The following KIR3DL1 variants were observed in gnomAD, a reference collection of about 807,000 sequenced individuals.
The protein encoded by KIR3DL1 is killer cell immunoglobulin-like receptor 3DL1.
KIR3DL1 carries 50 observed loss-of-function variants against 40.3 expected under a neutral mutation model. The observed-to-expected ratio is 1.24, with a 90% CI of 0.99 to 1.57. The LOEUF (loss-of-function observed/expected upper bound fraction) is 1.57, where lower values mean the gene tolerates loss of function less well. Ranked by LOEUF, KIR3DL1 falls within the 40% of genes most tolerant of loss-of-function variation. KIR3DL1 has a pLI of 0.00. For synonymous variants in KIR3DL1, 257 were observed against 207.2 expected, an observed-to-expected ratio of 1.24 and a Z score of -2.07; for missense variants, 661 against 559.9, an observed-to-expected ratio of 1.18 and a Z score of -1.82.
intron 6 of KIR3DL1, among the ~76,000 whole-genome samples, chr19:54,828,854 G>A: frequency 7.1e-6 from 1 of 141,612 alleles, no homozygotes; most frequent in Non-Finnish European, 1.6e-5. Flanking sequence ...TCTTATGATG[G>A]CCTCAGGCCG....
rs550773169 is a variant in KIR3DL1, at chr19:54,829,977, C to T, written c.1155C>T (p.Ser385=). The change falls in exon 8 of 9, where the codon AGC becomes AGT. Residue 385 remains serine, a synonymous_variant. Transcript: ENST00000391728. ...CTGCAGGGAACAGAACAGCCAACAG[C>T]GAGGTAGGTGCTCCTCGGCCCAGCC... The T allele has an allele frequency of 8.7e-6, 13 of 1,494,530 alleles. 1 individual carries two copies. Among genetic ancestry groups the T allele is most frequent in the Non-Finnish European group, 1.2e-5 (13 of 1,108,934 alleles). The allele number at this position is 1,494,530 out of a possible 1,614,324, so 92.6% of individuals were successfully genotyped here.
Position 54,829,021 on chromosome 19 carries a change from C to A in KIR3DL1, c.1001-340C>A, listed in dbSNP as rs1197123553. 8.4e-5 allele frequency among the ~76,000 whole-genome samples: 12 copies of A among 142,448 alleles called. 2 individuals are homozygous for A. Among genetic ancestry groups the A allele is most frequent in the African/African-American group, 2.5e-4 (10 of 39,634 alleles). 93.5% of individuals were successfully genotyped at this position (142,448 alleles called of 152,430 possible). Reference sequence around the variant, plus strand: ...AACTAATAGAGAGGGAACTTGCTAACCCCGTCTCCTTGGGACAGCATTGAT... The same window carrying A: ...AACTAATAGAGAGGGAACTTGCTAAACCCGTCTCCTTGGGACAGCATTGAT... On this transcript the variant is annotated intron_variant, in intron 6 of 8. Coordinates refer to ENST00000391728, the Ensembl canonical transcript of KIR3DL1.
At chr19:54,828,770 T>C (rs890363516) in intron 6 of KIR3DL1, among the ~76,000 whole-genome samples, 8 of 142,484 alleles carry the variant, frequency 5.6e-5, no homozygotes, top group African/African-American at 1.3e-4. Flanking sequence ...TGAGCCTGGG[T>C]AACTTCTAAA....
intron 6 of KIR3DL1, among the ~76,000 whole-genome samples, chr19:54,828,652 G>A (rs1236250498): frequency 2.7e-5 from 4 of 149,920 alleles, no homozygotes; most frequent in Admixed American, 6.6e-5. Flanking sequence ...ACTGCATGAC[G>A]TCCTCCTCCA....
chr19:54,821,854 C>T, exon 5 of KIR3DL1: 1 of 1,600,414 alleles, frequency 6.2e-7, no homozygotes, highest in Non-Finnish European at 8.5e-7. Flanking sequence ...TTGTTTCTGT[C>T]ACAGGTGAGA....
chr19:54,825,547 G>C (rs200713531), intron 6 of KIR3DL1, among the ~76,000 whole-genome samples: 1 of 149,258 alleles, frequency 6.7e-6, no homozygotes, highest in Non-Finnish European at 1.5e-5. Flanking sequence ...GCTCATGCAC[G>C]CACACTTCGA....
Position 54,827,514 on chromosome 19 carries a change from A to G in KIR3DL1, c.1001-1847A>G, listed in dbSNP as rs1187098256. On this transcript the variant is annotated intron_variant, in intron 6 of 8. Transcript: ENST00000391728. ...GTAATCCCAGCTCCTGCTCTGGAGG[A>G]TGAAGCAGGAGAATGACTTCAACCC... 2.0e-5 allele frequency among the ~76,000 whole-genome samples: 3 copies of G among 150,690 alleles called. 1 individual carries two copies. Among genetic ancestry groups the G allele is most frequent in the African/African-American group, 7.4e-5 (3 of 40,386 alleles).
rs2061552672 is a variant in KIR3DL1 at position 54,819,960 on chromosome 19, C to A, written c.603C>A (p.His201Gln). ...ACAGATGCTACGGTTCTGTTACTCA[C>A]ACCCCCTATCAGTTGTCAGCTCCCA... The change falls in exon 4 of 9, where the codon CAC (histidine) becomes CAA (glutamine). Residue 201 changes from histidine to glutamine, a missense_variant. His to Gln is a conservative substitution (Grantham distance 24). This residue lies in a region of KIR3DL1 where 548 missense variants were observed against 413.3 expected (regional missense o/e 1.33). Coordinates refer to ENST00000391728, the Ensembl canonical transcript of KIR3DL1. The A allele has an allele frequency of 3.7e-6, 6 of 1,611,846 alleles. No homozygotes were observed. The South Asian group carries it at 5.5e-5, about 15-fold the overall frequency.
At chr19:54,817,365 C>G (rs611763) in intron 1 of KIR3DL1, among the ~76,000 whole-genome samples, 169 bp from the exon 2 acceptor site, 78,705 of 137,382 alleles carry the variant, frequency 0.57, 23,702 homozygotes, top group East Asian at 0.79. Context: ...CCTGGAGGCT[C>G]AGTCTCTGCA....
rs377436818 is a variant in KIR3DL1, at chr19:54,829,344, G to A, written c.1001-17G>A. On this transcript the variant is annotated splice_polypyrimidine_tract_variant and intron_variant, in intron 6 of 8. Transcript: ENST00000391728. ...CTGCTATGATTAGCTTCTTACTGGT[G>A]TCTCCTCTTCTTCCAGGTAACCCCA... The A allele has an allele frequency of 1.2e-4, 177 of 1,451,184 alleles. 22 individuals carry two copies. The highest frequency in any genetic ancestry group is 1.7e-4 in the Non-Finnish European group (175 of 1,055,550). The allele number at this position is 1,451,184 out of a possible 1,614,324, so 89.9% of individuals were successfully genotyped here. A position where few individuals can be genotyped will look rare whatever the true frequency, so the allele number is the denominator to read the frequency against.
intron 3 of KIR3DL1, 132 bp downstream of exon 3, chr19:54,818,731 G>T: frequency 8.3e-7 from 1 of 1,199,468 alleles, no homozygotes; most frequent in Non-Finnish European, 1.2e-6. Flanking sequence ...TGAATACAGG[G>T]GAAATGGGTG....
intron 2 of KIR3DL1, 115 bp downstream of exon 2, chr19:54,817,684 G>A (rs2061420958): frequency 8.4e-6 from 7 of 838,204 alleles, no homozygotes; most frequent in African/African-American, 2.1e-5. Context: ...GGGACCCTCG[G>A]ATGCTCGGCC....
chr19:54,827,127 G>C (rs1417672142), intron 6 of KIR3DL1, among the ~76,000 whole-genome samples: 1 of 151,564 alleles, frequency 6.6e-6, no homozygotes, highest in Non-Finnish European at 1.5e-5. Flanking sequence ...AGCTATGTTT[G>C]GGAGGTAGAA....
At chr19:54,824,525 A>C (rs776007511) in intron 5 of KIR3DL1, among the ~76,000 whole-genome samples, 91 of 151,352 alleles carry the variant, frequency 6.0e-4, no homozygotes, top group Non-Finnish European at 1.3e-3. Context: ...AAAAATACAA[A>C]AATTAGCTGA....
chr19:54,830,257 A>G lies in KIR3DL1; in HGVS notation c.1317A>G (p.Lys439=). The change falls in exon 9 of 9, where the codon AAA becomes AAG. Residue 439 remains lysine, a synonymous_variant. Transcript: ENST00000391728. The stretch of plus-strand genomic sequence containing the variant: ...TTCCAAATGCTAAGCCCAGATCCAA[A>G]GTTGTCTCCTGCCCATGAGCACCAC... 15 of 1,522,888 alleles carry G rather than the reference A, an allele frequency of 9.8e-6. 4 individuals carry two copies. The highest frequency in any genetic ancestry group is 1.3e-5 in the Non-Finnish European group (15 of 1,122,002). The allele number at this position is 1,522,888 out of a possible 1,614,324, so 94.3% of individuals were successfully genotyped here.
chr19:54,827,454 A>G (rs1390723681), intron 6 of KIR3DL1, among the ~76,000 whole-genome samples: 5 of 149,278 alleles, frequency 3.3e-5, no homozygotes, highest in South Asian at 4.4e-4. Context: ...TCTCCTAAAA[A>G]TACAAAAATT....
chr19:54,825,158 C>A (rs1220381127), intron 6 of KIR3DL1, 80 bp downstream of exon 6: 17 of 913,822 alleles, frequency 1.9e-5, no homozygotes, highest in Non-Finnish European at 2.9e-5. Context: ...TGGCTCAAAC[C>A]TCCCAGCTCT....
At chr19:54,827,857 G>A (rs35970023) in intron 6 of KIR3DL1, among the ~76,000 whole-genome samples, 1 of 150,240 alleles carries the variant, frequency 6.7e-6, no homozygotes, top group East Asian at 1.9e-4. Context: ...AAAGTGCTCT[G>A]GTCATCACAA....
intron 5 of KIR3DL1, among the ~76,000 whole-genome samples, chr19:54,824,784 T>C (rs1431018601): frequency 8.7e-5 from 13 of 150,036 alleles, no homozygotes; most frequent in African/African-American, 3.2e-4. Context: ...CATGCTGTTT[T>C]GCTTACTACA....
Sources: gnomAD v4.1 joint callset for allele counts (sites outside exome capture counted in the v4.1 genomes callset) on GRCh38, gnomAD v4.1.1 for gene constraint, gnomAD v4.1.1 regional missense constraint, MANE v1.5 for transcripts, NCBI Gene and HGNC (gene_info 2026-07-23, HGNC 2026-07-21) for gene names.